SLC39A10: variants seen among roughly 807,000 people sequenced by gnomAD.
SLC39A10 encodes the protein solute carrier family 39 member 10.
A neutral mutation model predicts 65.1 loss-of-function variants in SLC39A10; 13 were observed. That is an observed-to-expected ratio of 0.20 (90% CI 0.13 to 0.32). The LOEUF is 0.32. SLC39A10 is among the 10% of genes least tolerant of loss of function. The pLI is 1.00. For synonymous variants in SLC39A10, 321 were observed against 342.2 expected, an observed-to-expected ratio of 0.94 and a Z score of 0.68; for missense variants, 831 against 1,018.4, an observed-to-expected ratio of 0.82 and a Z score of 2.50.
chr2:195,654,385 T>A (rs192044908), upstream of SLC39A10, among the ~76,000 whole-genome samples: 1 of 152,236 alleles, frequency 6.6e-6, no homozygotes, highest in Non-Finnish European at 1.5e-5. Context: ...TGAAGTAGGT[T>A]TCTTATTTCC....
intron 2 of SLC39A10, among the ~76,000 whole-genome samples, chr2:195,616,754 C>T (rs907366007): frequency 6.6e-6 from 1 of 151,950 alleles, no homozygotes; most frequent in Non-Finnish European, 1.5e-5. Flanking sequence ...CAGGCTCCCG[C>T]CACCACGCCT....
intron 1 of SLC39A10, among the ~76,000 whole-genome samples, chr2:195,659,186 CA>C (rs1454727604): frequency 6.6e-6 from 1 of 152,114 alleles, no homozygotes; most frequent in Non-Finnish European, 1.5e-5. Context: ...GCGTTCCGTA[CA>C]TAGACGCCTG....
intron 2 of SLC39A10, among the ~76,000 whole-genome samples, chr2:195,642,073 G>A (rs1312627134): frequency 6.6e-6 from 1 of 152,150 alleles, no homozygotes; most frequent in African/African-American, 2.4e-5. Context: ...GATATTGTTT[G>A]TCAGCGAAAT....
At chr2:195,618,910 T>G (rs1207696039) in intron 2 of SLC39A10, among the ~76,000 whole-genome samples, 1 of 151,980 alleles carries the variant, frequency 6.6e-6, no homozygotes, top group East Asian at 1.9e-4. Context: ...CTGGTCAACA[T>G]GGTGAAACCC....
chr2:195,621,740 ATAAT>A (rs1202315901), intron 2 of SLC39A10, among the ~76,000 whole-genome samples: 21 of 152,336 alleles, frequency 1.4e-4, no homozygotes, highest in African/African-American at 5.1e-4. Flanking sequence ...TAAATTTGTA[ATAAT>A]TATAGTATGA....
intron 1 of SLC39A10, among the ~76,000 whole-genome samples, chr2:195,659,646 TATTA>T (rs1689305111): frequency 6.6e-6 from 1 of 152,220 alleles, no homozygotes; most frequent in Non-Finnish European, 1.5e-5. Flanking sequence ...AACCTTGATC[TATTA>T]ATTAGTTTGC....
At chr2:195,635,628 T>C (rs754228526) in intron 2 of SLC39A10, among the ~76,000 whole-genome samples, 21 of 152,154 alleles carry the variant, frequency 1.4e-4, no homozygotes, top group Non-Finnish European at 2.9e-4. Context: ...TAAAGTGCTT[T>C]AGTTATCTCA....
intron 2 of SLC39A10, among the ~76,000 whole-genome samples, chr2:195,631,383 G>A (rs59833274): frequency 0.17 from 26,107 of 151,898 alleles, 2,453 homozygotes; most frequent in East Asian, 0.34. Flanking sequence ...AAACGAAATT[G>A]TAACATAATT....
rs555481098 is a variant in SLC39A10, at chr2:195,645,886, G to A, written c.-11-34146G>A. On this transcript the variant is annotated intron_variant, in intron 2 of 2. Transcript: ENST00000458054. The stretch of plus-strand genomic sequence containing the variant: ...ACTGAAAATGAAGCTTAATGATCAC[G>A]TTAAAGCCACAGGAAATAAGTTAGA... Among the ~76,000 whole-genome samples the A allele has an allele frequency of 9.2e-5, 14 of 152,236 alleles. No individual in the cohort carries two copies. In the South Asian group the frequency reaches 1.9e-3, roughly 20 times the overall value.
chr2:195,664,578 A>G (rs1689561261), intron 1 of SLC39A10, among the ~76,000 whole-genome samples: 1 of 152,170 alleles, frequency 6.6e-6, no homozygotes, highest in African/African-American at 2.4e-5. Context: ...GTTATGTAAA[A>G]GCTCATATAT....
intron 8 of SLC39A10, among the ~76,000 whole-genome samples, chr2:195,725,386 A>T (rs992049721): frequency 2.0e-5 from 3 of 152,180 alleles, no homozygotes; most frequent in Admixed American, 2.0e-4. Context: ...GACTTCAATC[A>T]TAGTAAAACA....
At chr2:195,656,477 G>A (rs1273784421), upstream of SLC39A10, among the ~76,000 whole-genome samples, 3 of 152,164 alleles carry the variant, frequency 2.0e-5, no homozygotes, top group Non-Finnish European at 4.4e-5. Flanking sequence ...GAGTAGAGGA[G>A]TGAAGACCTT....
intron 3 of SLC39A10, among the ~76,000 whole-genome samples, chr2:195,689,808 A>G (rs1690660848): frequency 6.6e-6 from 1 of 152,108 alleles, no homozygotes; most frequent in Non-Finnish European, 1.5e-5. Context: ...AGAACCATAC[A>G]TTATTTGCCT....
chr2:195,690,271 T>C lies in SLC39A10; in HGVS notation c.1216+6365T>C, dbSNP rs191537618. On this transcript the variant is annotated intron_variant, in intron 3 of 9. Coordinates refer to ENST00000359634, the MANE Select transcript of SLC39A10 (RefSeq NM_020342.3). ...GTATATACCACATTTTGCTTATGCA[T>C]TTATCTGTCCATAGACAGTTGGGTT... Among the ~76,000 whole-genome samples, 4 of 152,018 alleles carry C rather than the reference T, an allele frequency of 2.6e-5. No individual in the cohort carries two copies. The East Asian group carries it at 7.7e-4, about 29-fold the overall frequency.
chr2:195,722,858 C>G (rs545588637), intron 8 of SLC39A10, among the ~76,000 whole-genome samples: 1 of 152,308 alleles, frequency 6.6e-6, no homozygotes, highest in East Asian at 1.9e-4. Flanking sequence ...AACATGTTTT[C>G]CAATTACATT....
chr2:195,730,135 T>C (rs1414947255), intron 9 of SLC39A10, among the ~76,000 whole-genome samples: 3 of 151,972 alleles, frequency 2.0e-5, no homozygotes, highest in South Asian at 4.1e-4. Context: ...TCCTCTTTTT[T>C]TGAGCCAAAC....
chr2:195,682,871 TAAG>T (rs778815262), intron 2 of SLC39A10, among the ~76,000 whole-genome samples: 38 of 151,008 alleles, frequency 2.5e-4, no homozygotes, highest in Non-Finnish European at 1.3e-4. Context: ...AAAAAAAAAC[TAAG>T]AAGAATCATT....
chr2:195,652,418 A>G (rs1443548085), upstream of SLC39A10, among the ~76,000 whole-genome samples: 2 of 151,998 alleles, frequency 1.3e-5, no homozygotes, highest in Non-Finnish European at 2.9e-5. Flanking sequence ...GCGTGGTGGT[A>G]GGTGCCTGTA....
chr2:195,712,804 G>A (rs1021644706), intron 5 of SLC39A10, among the ~76,000 whole-genome samples: 3 of 152,124 alleles, frequency 2.0e-5, no homozygotes, highest in African/African-American at 7.2e-5. Context: ...CTCCATCTAA[G>A]TCCAAGGTGA....
Sources: allele counts gnomAD v4.1 joint callset (sites outside exome capture counted in the v4.1 genomes callset), GRCh38; gene constraint gnomAD v4.1.1; transcripts MANE v1.5; gene names NCBI Gene and HGNC (gene_info 2026-07-23, HGNC 2026-07-21).